Variants in LDHA observed in about 807,000 individuals in gnomAD.
LDHA encodes lactate dehydrogenase A.
A neutral mutation model predicts 36.3 loss-of-function variants in LDHA; 10 were observed. The observed-to-expected ratio is 0.28, with a 90% confidence interval of 0.17 to 0.47. The LOEUF (loss-of-function observed/expected upper bound fraction) is 0.47. LDHA is among the 20% of genes least tolerant of loss of function. The probability of loss-of-function intolerance (pLI) is 0.99; values close to 1 mark genes in which losing one functional copy is unlikely to be tolerated. For missense variants in LDHA, 267 were observed against 405.8 expected, an observed-to-expected ratio of 0.66 and a Z score of 2.94; for synonymous variants, 110 against 136.7, an observed-to-expected ratio of 0.80 and a Z score of 1.36.
chr11:18,394,656 G>T lies in LDHA; in HGVS notation c.-25+20G>T, dbSNP rs1206521532. 2.2e-6 allele frequency: 1 copy of T among 453,812 alleles called. No homozygotes were observed. The highest frequency in any genetic ancestry group is 4.4e-6 in the Non-Finnish European group (1 of 226,694). The allele number at this position is 453,812 out of a possible 1,614,324, so 28.1% of individuals were successfully genotyped here. A position where few individuals can be genotyped will look rare whatever the true frequency, so the allele number is the denominator to read the frequency against. ...TTCCCGGTACGGTAGGGCCCTGCGC[G>T]CACGGCGCCAGAGGGATGGGCGGGT... On this transcript the variant is annotated intron_variant, in intron 1 of 7. Transcript: ENST00000422447.
At chr11:18,397,818 A>T (rs1866352337) in intron 2 of LDHA, among the ~76,000 whole-genome samples, 1 of 152,186 alleles carries the variant, frequency 6.6e-6, no homozygotes, top group South Asian at 2.1e-4. Context: ...CAAAAAAAAA[A>T]ATCTGAAGTT....
rs746544029 is a variant in LDHA, at chr11:18,407,608, TC to T, written c.*329del. 8.7e-5 allele frequency: 57 copies of T among 651,794 alleles called. No individual in the cohort carries two copies. Among genetic ancestry groups the T allele is most frequent in the Admixed American group, 3.3e-4 (16 of 48,406 alleles). The allele number at this position is 651,794 out of a possible 1,614,324, so 40.4% of individuals were successfully genotyped here. On this transcript the variant is annotated 3_prime_UTR_variant, in exon 8 of 8. Coordinates refer to ENST00000422447, the MANE Select transcript of LDHA (RefSeq NM_005566.4). ...GATGTTTACCGTGTGTTATATAACT[TC>T]CTGGCTCCTTCACTGAACATGCCTA...
chr11:18,405,722 G>C (rs970690263), intron 7 of LDHA, 150 bp downstream of exon 7: 4 of 841,820 alleles, frequency 4.8e-6, no homozygotes, highest in Non-Finnish European at 7.7e-6. Flanking sequence ...TGAAAGAAAT[G>C]GTTGAGCTTT....
intron 2 of LDHA, chr11:18,397,206 C>A: frequency 2.3e-6 from 1 of 442,024 alleles, no homozygotes. Flanking sequence ...ATTCATTATT[C>A]TGTATTAACA....
intron 1 of LDHA, chr11:18,396,324 CCA>C: frequency 2.5e-6 from 1 of 392,702 alleles, no homozygotes; most frequent in Non-Finnish European, 4.5e-6. Context: ...TGATTTCCGC[CCA>C]CCTTTCCGAG....
chr11:18,401,563 C>T (rs10832929), intron 4 of LDHA, among the ~76,000 whole-genome samples: 93,407 of 144,232 alleles, frequency 0.65, 31,236 homozygotes, highest in South Asian at 0.75. Flanking sequence ...CTGCAAGCTC[C>T]GCCTCCCGGG....
At chr11:18,395,725 C>G (rs1482909767) in intron 1 of LDHA, among the ~76,000 whole-genome samples, 1 of 152,196 alleles carries the variant, frequency 6.6e-6, no homozygotes, top group Non-Finnish European at 1.5e-5. Flanking sequence ...TTTCCTCCAG[C>G]GAATGCAGTG....
chr11:18,404,078 A>T (rs1391168278), intron 6 of LDHA, among the ~76,000 whole-genome samples: 1 of 151,980 alleles, frequency 6.6e-6, no homozygotes, highest in Non-Finnish European at 1.5e-5. Flanking sequence ...CTACAGGCAT[A>T]TGCCATGACG....
intron 7 of LDHA, 112 bp from the exon 8 acceptor site, chr11:18,407,005 C>CAA (rs56345574): frequency 3.7e-3 from 2,667 of 711,538 alleles, no homozygotes; most frequent in Non-Finnish European, 4.3e-3. Context: ...GACTCTGCCT[C>CAA]AAAAAAAAAT....
chr11:18,402,193 G>T (rs976988941), intron 4 of LDHA, among the ~76,000 whole-genome samples: 6 of 149,896 alleles, frequency 4.0e-5, no homozygotes, highest in Non-Finnish European at 7.4e-5. Flanking sequence ...GAGCTCAGGT[G>T]ATCCATCTGC....
chr11:18,397,011 C>T (rs2134017923), intron 2 of LDHA, 43 bp downstream of exon 2: 3 of 1,563,520 alleles, frequency 1.9e-6, no homozygotes, highest in South Asian at 2.2e-5. Flanking sequence ...ACCTTGACCC[C>T]ATCCTCTACC....
rs181959934 is a variant in LDHA at position 18,399,185 on chromosome 11, G to T, written c.127-246G>T. The stretch of plus-strand genomic sequence containing the variant: ...AGTGTTCTGCTTCCACATCTGCAGT[G>T]GTGGAACTCCTATAGAGCTCGCTTC... On this transcript the variant is annotated intron_variant, in intron 2 of 7. Coordinates refer to ENST00000422447, the MANE Select transcript of LDHA (RefSeq NM_005566.4). 12 of 475,604 alleles carry T rather than the reference G, an allele frequency of 2.5e-5. No homozygotes were observed. In the East Asian group the frequency reaches 2.9e-4, roughly 11 times the overall value. 29.5% of individuals were successfully genotyped at this position (475,604 alleles called of 1,614,324 possible). A position where few individuals can be genotyped will look rare whatever the true frequency, so the allele number is the denominator to read the frequency against.
chr11:18,407,068 G>GA lies in LDHA; in HGVS notation c.835-47dup, dbSNP rs761485593. On this transcript the variant is annotated intron_variant, in intron 7 of 7. Transcript: ENST00000422447. The stretch of plus-strand genomic sequence containing the variant: ...AGACTGTAAGTCTTGGGAAACCTGG[G>GA]AATGCATAGACAAAATGTGAGATTT... 2.1e-6 allele frequency: 3 copies of GA among 1,414,506 alleles called. No individual in the cohort carries two copies. The African/African-American group carries it at 4.4e-5, about 21-fold the overall frequency. The allele number at this position is 1,414,506 out of a possible 1,614,324, so 87.6% of individuals were successfully genotyped here. A position where few individuals can be genotyped will look rare whatever the true frequency, so the allele number is the denominator to read the frequency against.
chr11:18,408,367 T>A lies in LDHA; in HGVS notation c.*1086T>A. 2.8e-6 allele frequency: 1 copy of A among 359,522 alleles called. No homozygotes were observed. The highest frequency in any genetic ancestry group is 5.4e-6 in the Non-Finnish European group (1 of 185,216). The allele number at this position is 359,522 out of a possible 1,614,324, so 22.3% of individuals were successfully genotyped here. On this transcript the variant is annotated 3_prime_UTR_variant, in exon 8 of 8. Transcript: ENST00000422447. ...CAAAACCAAAAAAAACAAGTAACCT[T>A]GGTGGATGTCTACTCAAGTTTTCTG...
chr11:18,402,498 A>C (rs539880956), intron 4 of LDHA: 9 of 299,504 alleles, frequency 3.0e-5, no homozygotes, highest in African/African-American at 1.8e-4. Flanking sequence ...GGGTTTTGCT[A>C]TGTTGCCCAG....
At chr11:18,396,255 A>G (rs1300396298) in intron 1 of LDHA, 5 of 336,846 alleles carry the variant, frequency 1.5e-5, no homozygotes, top group Non-Finnish European at 2.7e-5. Flanking sequence ...GGGCCCGCCC[A>G]TCTTCCGGAC....
In LDHA at chr11:18,402,723, CTAT is replaced by C. The variant is rs746036943; in HGVS notation, c.419-110_419-108del. 110 of 799,978 alleles carry C rather than the reference CTAT, an allele frequency of 1.4e-4. No homozygotes were observed. In the African/African-American group the frequency reaches 1.6e-3, roughly 12 times the overall value. 49.6% of individuals were successfully genotyped at this position (799,978 alleles called of 1,614,324 possible). On this transcript the variant is annotated intron_variant, in intron 4 of 7. Transcript: ENST00000422447. Reference sequence around the variant, plus strand: ...TGAAAAGCCATATATCTGGAGTAGCCTATTATTATCTAATGATCACCTAGTATC... The same window carrying C: ...TGAAAAGCCATATATCTGGAGTAGCCTATTATCTAATGATCACCTAGTATC...
In LDHA at chr11:18,396,846, G is replaced by T; in HGVS notation, c.4G>T (p.Ala2Ser). 1 of 1,610,832 alleles carries T rather than the reference G, an allele frequency of 6.2e-7. No homozygotes were observed. Among genetic ancestry groups the T allele is most frequent in the South Asian group, 1.1e-5 (1 of 90,602 alleles). Reference sequence around the variant, plus strand: ...TCCTTTTGGTTCCAAGTCCAATATGGCAACTCTAAAGGATCAGCTGATTTA... The same window carrying T: ...TCCTTTTGGTTCCAAGTCCAATATGTCAACTCTAAAGGATCAGCTGATTTA... M[A>S]TLKDQLIYNL... The change falls in exon 2 of 8, where the codon GCA becomes TCA. Residue 2 changes from alanine to serine, a missense_variant. Ala to Ser is a moderately conservative substitution (Grantham distance 99, BLOSUM62 1). Coordinates refer to ENST00000422447, the MANE Select transcript of LDHA (RefSeq NM_005566.4).
intron 7 of LDHA, 52 bp downstream of exon 7, chr11:18,405,624 A>T: frequency 2.5e-6 from 4 of 1,585,750 alleles, no homozygotes; most frequent in Non-Finnish European, 3.5e-6. Context: ...CTGGCTTTTT[A>T]AAAAAGATTC....
Sources: allele counts gnomAD v4.1 joint callset (sites outside exome capture counted in the v4.1 genomes callset), GRCh38; gene constraint gnomAD v4.1.1; transcripts MANE v1.5; gene names NCBI Gene and HGNC (gene_info 2026-07-23, HGNC 2026-07-21).